Variants in PDS5B observed in about 807,000 individuals in gnomAD.
PDS5B encodes sister chromatid cohesion protein PDS5 homolog B.
PDS5B carries 51 observed loss-of-function variants against 184.1 expected under a neutral mutation model. The ratio of observed to expected loss-of-function variants is 0.28; its 90% CI spans 0.22 to 0.35. The LOEUF (loss-of-function observed/expected upper bound fraction) is 0.35. PDS5B is among the 10% of genes least tolerant of loss of function. The pLI is 1.00. For synonymous variants in PDS5B, 566 were observed against 569.2 expected, an observed-to-expected ratio of 0.99 and a Z score of 0.08; for missense variants, 1,180 against 1,723.3, an observed-to-expected ratio of 0.68 and a Z score of 5.58.
chr13:32,774,912 G>T, intron 34 of PDS5B, 105 bp from the exon 35 acceptor site: 1 of 1,130,604 alleles, frequency 8.8e-7, no homozygotes. Flanking sequence ...GGAAAGCAAA[G>T]AAAATCAGGA....
chr13:32,680,704 C>T (rs1020779726), intron 10 of PDS5B, among the ~76,000 whole-genome samples: 2 of 152,208 alleles, frequency 1.3e-5, no homozygotes, highest in African/African-American at 2.4e-5. Flanking sequence ...TCCTTCTCTT[C>T]CTTGTTTTAA....
chr13:32,734,007 C>CACACACACACAA (rs1476189073), intron 20 of PDS5B, among the ~76,000 whole-genome samples: 1 of 151,034 alleles, frequency 6.6e-6, no homozygotes, highest in Non-Finnish European at 1.5e-5. Context: ...CACACACACA[C>CACACACACACAA]ACACACAAAC....
chr13:32,716,380 C>T (rs1379926360), intron 19 of PDS5B, among the ~76,000 whole-genome samples: 1 of 151,568 alleles, frequency 6.6e-6, no homozygotes, highest in Non-Finnish European at 1.5e-5. Flanking sequence ...AGGAGTGTCT[C>T]TGCCCAGCCA....
intron 21 of PDS5B, among the ~76,000 whole-genome samples, chr13:32,736,514 C>G (rs1485884510): frequency 6.6e-6 from 1 of 151,876 alleles, no homozygotes; most frequent in Admixed American, 6.6e-5. Context: ...GGTCTTCTGT[C>G]TGTTTGCTGT....
intron 19 of PDS5B, among the ~76,000 whole-genome samples, chr13:32,726,791 TGTAA>T (rs1952915179): frequency 6.6e-6 from 1 of 152,172 alleles, no homozygotes; most frequent in Non-Finnish European, 1.5e-5. Context: ...GGCTCACACT[TGTAA>T]ATCTCCGTGC....
intron 3 of PDS5B, among the ~76,000 whole-genome samples, chr13:32,657,824 TA>T (rs955612417): frequency 6.6e-6 from 1 of 151,968 alleles, no homozygotes; most frequent in Non-Finnish European, 1.5e-5. Context: ...ATTTGGCAAT[TA>T]AAAAAAATTG....
At chr13:32,735,436 C>A in intron 21 of PDS5B, 106 bp downstream of exon 21, 1 of 713,122 alleles carries the variant, frequency 1.4e-6, no homozygotes. Flanking sequence ...CATTTGACTG[C>A]CTTGATTTTA....
At chr13:32,672,753 A>G (rs1334108730) in intron 7 of PDS5B, among the ~76,000 whole-genome samples, 5 of 152,116 alleles carry the variant, frequency 3.3e-5, no homozygotes, top group African/African-American at 4.8e-5. Flanking sequence ...CTTCCAGCCT[A>G]TTTGGATGAT....
chr13:32,646,425 A>G (rs1167165826), intron 1 of PDS5B, among the ~76,000 whole-genome samples: 1 of 104,350 alleles, frequency 9.6e-6, no homozygotes, highest in African/African-American at 3.9e-5. Flanking sequence ...ACAAATTGCT[A>G]TTCATTCTAG....
intron 7 of PDS5B, among the ~76,000 whole-genome samples, chr13:32,670,131 CTT>C (rs35481284): frequency 2.6e-4 from 38 of 147,952 alleles, no homozygotes; most frequent in Admixed American, 1.1e-3. Context: ...CAGACACATT[CTT>C]TTTTTTTTTT....
At chr13:32,590,263 G>A (rs1034754023) in intron 1 of PDS5B, among the ~76,000 whole-genome samples, 1 of 152,190 alleles carries the variant, frequency 6.6e-6, no homozygotes, top group South Asian at 2.1e-4. Context: ...CCACTAGCCT[G>A]CCATTCTCTT....
chr13:32,595,468 A>G (rs1170958361), intron 1 of PDS5B, among the ~76,000 whole-genome samples: 1 of 152,224 alleles, frequency 6.6e-6, no homozygotes, highest in East Asian at 1.9e-4. Flanking sequence ...GTTATGTTAT[A>G]TCCTTCTGGG....
intron 31 of PDS5B, among the ~76,000 whole-genome samples, chr13:32,766,488 A>G (rs1954592155): frequency 6.6e-6 from 1 of 152,152 alleles, no homozygotes; most frequent in Non-Finnish European, 1.5e-5. Context: ...TAGAGGTGCT[A>G]GAAGAATCTT....
In PDS5B at chr13:32,683,936, G is replaced by A. The variant is rs896631829; in HGVS notation, c.1116G>A (p.Val372=). 2 of 1,594,186 alleles carry A rather than the reference G, an allele frequency of 1.3e-6. No individual in the cohort carries two copies. Among genetic ancestry groups the A allele is most frequent in the Non-Finnish European group, 1.7e-6 (2 of 1,162,966 alleles). The change falls in exon 11 of 35, where the codon GTG becomes GTA. Residue 372 remains valine (V), a synonymous_variant. Coordinates refer to ENST00000315596, the MANE Select transcript of PDS5B (RefSeq NM_015032.4). ...PEEAIRHDVI[V]SIVTAAKKDI... ...AAGCTATTAGACATGATGTTATTGT[G>A]TCAATAGTTACAGCTGCTAAAAAGG...
chr13:32,601,366 G>C (rs543048640), intron 1 of PDS5B, among the ~76,000 whole-genome samples: 1 of 152,258 alleles, frequency 6.6e-6, no homozygotes, highest in Non-Finnish European at 1.5e-5. Flanking sequence ...TACACACCTT[G>C]TTTTAGAATA....
intron 2 of PDS5B, among the ~76,000 whole-genome samples, chr13:32,651,112 TTCTATTC>T (rs1402443479): frequency 3.9e-5 from 6 of 152,236 alleles, no homozygotes; most frequent in Non-Finnish European, 8.8e-5. Flanking sequence ...CCATTCTATT[TTCTATTC>T]ACCTTTTATA....
intron 9 of PDS5B, among the ~76,000 whole-genome samples, chr13:32,678,019 A>G (rs1951118789): frequency 6.6e-6 from 1 of 152,172 alleles, no homozygotes; most frequent in Non-Finnish European, 1.5e-5. Context: ...TGGCAAAAAA[A>G]AAAAATTGAC....
In PDS5B at chr13:32,753,196, C is replaced by G. The variant is rs1954048537; in HGVS notation, c.2737-136C>G. The G allele has an allele frequency of 1.2e-5, 8 of 640,398 alleles. No individual in the cohort carries two copies. In the South Asian group the frequency reaches 1.6e-4, roughly 13 times the overall value. 39.7% of individuals were successfully genotyped at this position (640,398 alleles called of 1,614,324 possible). On this transcript the variant is annotated intron_variant, in intron 24 of 34. Transcript: ENST00000315596. ...TGAACTTTAGTCACAACATCTCACT[C>G]TTGTGAGCAGTGAAGCAATTATTGT... is the stretch of plus-strand genomic sequence containing the variant.
At chr13:32,741,239 A>C in intron 22 of PDS5B, 91 bp downstream of exon 22, 1 of 721,702 alleles carries the variant, frequency 1.4e-6, no homozygotes, top group Middle Eastern at 3.0e-4. Flanking sequence ...TTGGAAAGAT[A>C]TTAAAGTCAC....
Sources: gnomAD v4.1 joint callset for allele counts (sites outside exome capture counted in the v4.1 genomes callset) on GRCh38, gnomAD v4.1.1 for gene constraint, MANE v1.5 for transcripts, NCBI Gene and HGNC (gene_info 2026-07-23, HGNC 2026-07-21) for gene names.